The following CD6 variants were observed in gnomAD, a reference collection of about 807,000 sequenced individuals.
CD6 encodes the protein CD6 molecule, also known as T-cell differentiation antigen CD6.
In CD6, 53 loss-of-function variants were observed where a neutral mutation model predicts 75.3. That is an observed-to-expected ratio of 0.70 (90% confidence interval 0.56 to 0.88). The LOEUF is 0.88. CD6 is among the 40% of genes least tolerant of loss of function. CD6 has a pLI of 0.00. For missense variants in CD6, 770 were observed against 897.1 expected (o/e 0.86, Z 1.81); for synonymous variants, 359 against 381.5 (o/e 0.94, Z 0.69).
chr11:60,976,020 T>G (rs1857348743), intron 1 of CD6, among the ~76,000 whole-genome samples: 1 of 152,222 alleles, frequency 6.6e-6, no homozygotes, highest in African/African-American at 2.4e-5. Context: ...AATATTAAGT[T>G]ATTTTTAAAA....
intron 1 of CD6, among the ~76,000 whole-genome samples, chr11:61,003,126 G>T (rs540675743): frequency 6.6e-6 from 1 of 151,972 alleles, no homozygotes; most frequent in South Asian, 2.1e-4. Context: ...CACCACACCC[G>T]ACTAATTTTT....
Position 61,009,552 on chromosome 11 carries a change from C to G in CD6, c.782-20C>G. On this transcript the variant is annotated intron_variant, in intron 4 of 12. Coordinates refer to ENST00000313421, the MANE Select transcript of CD6 (RefSeq NM_006725.5). ...CCAAAGGATTCTGACCTGACTCTGT[C>G]CCCTGCCCCTTCCCTGCAGAGCACC... 1 of 1,574,914 alleles carries G rather than the reference C, an allele frequency of 6.3e-7. No individual in the cohort carries two copies.
At chr11:60,990,402 T>G (rs537935993) in intron 1 of CD6, among the ~76,000 whole-genome samples, 7 of 152,124 alleles carry the variant, frequency 4.6e-5, no homozygotes, top group Non-Finnish European at 1.0e-4. Flanking sequence ...TTTTTGTATT[T>G]CAGTAGAGAT....
chr11:61,009,103 T>C (rs1278328015), intron 4 of CD6, among the ~76,000 whole-genome samples: 9 of 151,568 alleles, frequency 5.9e-5, no homozygotes, highest in African/African-American at 2.2e-4. Flanking sequence ...CCGGAAGAGG[T>C]GACATTAAAA....
At chr11:61,000,990 A>G (rs1293811067) in intron 1 of CD6, among the ~76,000 whole-genome samples, 1 of 152,042 alleles carries the variant, frequency 6.6e-6, no homozygotes, top group Non-Finnish European at 1.5e-5. Flanking sequence ...GCTCCCCTCC[A>G]TCCCTTCCCT....
At chr11:60,997,523 A>T (rs76704404) in intron 1 of CD6, among the ~76,000 whole-genome samples, 4,089 of 152,148 alleles carry the variant, frequency 0.027, 247 homozygotes, top group East Asian at 0.24. Flanking sequence ...CCAAAATATC[A>T]TTTCTACACA....
In CD6 at chr11:61,007,459, G is replaced by C. The variant is rs901270536; in HGVS notation, c.119-101G>C. 1 of 941,166 alleles carries C rather than the reference G, an allele frequency of 1.1e-6. No homozygotes were observed. Among genetic ancestry groups the C allele is most frequent in the African/African-American group, 1.7e-5 (1 of 57,172 alleles). 58.3% of individuals were successfully genotyped at this position (941,166 alleles called of 1,614,324 possible). ...CTGGAAAGCTGAGACCCCTAGCCAG[G>C]CAGGGCGTTGTCAAAGTTCACGCAC... On this transcript the variant is annotated intron_variant, in intron 2 of 12. Coordinates refer to ENST00000313421, the MANE Select transcript of CD6 (RefSeq NM_006725.5). This position sits in a 1 kb window ranked among gnomAD's most constrained non-coding sequence, Gnocchi z 4.2.
At chr11:60,993,888 G>T (rs1725263574) in intron 1 of CD6, among the ~76,000 whole-genome samples, 2 of 152,312 alleles carry the variant, frequency 1.3e-5, no homozygotes, top group South Asian at 4.1e-4. Flanking sequence ...TCAGCTTTCA[G>T]GAGAACATGG....
chr11:60,975,665 T>C (rs968621332), intron 1 of CD6, among the ~76,000 whole-genome samples: 1 of 152,094 alleles, frequency 6.6e-6, no homozygotes. Context: ...CCTGAAGTGG[T>C]GGTACAAGCC....
intron 1 of CD6, among the ~76,000 whole-genome samples, chr11:60,990,664 C>G (rs930642809): frequency 2.6e-5 from 4 of 152,104 alleles, no homozygotes; most frequent in Admixed American, 1.3e-4. Flanking sequence ...ATCCTTTCCT[C>G]CCTAGAACAC....
At chr11:60,987,855 A>AAG (rs1418376990) in intron 1 of CD6, 2 of 152,256 alleles carry the variant, frequency 1.3e-5, no homozygotes, top group African/African-American at 2.4e-5. Context: ...GCCCAAGGAT[A>AAG]GCATTTATAA....
intron 1 of CD6, chr11:61,004,479 A>C (rs1218859178): frequency 6.6e-6 from 1 of 152,270 alleles, no homozygotes; most frequent in Non-Finnish European, 1.5e-5. Context: ...GCAGCCAGCC[A>C]GGGAGTTAGC....
intron 1 of CD6, chr11:60,985,067 A>G (rs559212317): frequency 1.3e-5 from 2 of 151,984 alleles, no homozygotes; most frequent in South Asian, 2.1e-4. Flanking sequence ...AAACAAAGAT[A>G]TAGAACGCTT....
chr11:60,983,663 T>C (rs1032589813), intron 1 of CD6, among the ~76,000 whole-genome samples: 4 of 152,118 alleles, frequency 2.6e-5, no homozygotes, highest in African/African-American at 9.7e-5. Context: ...GACATTTTCT[T>C]ACATAACCAC....
Position 61,008,702 on chromosome 11 carries a change from G to C in CD6, c.638G>C (p.Gly213Ala). Residue 213 changes from glycine (G) to alanine (A), a missense_variant, in exon 4 of 13, where the codon GGC (glycine) becomes GCC (alanine). Gly to Ala is a moderately conservative substitution (Grantham distance 60). Coordinates refer to ENST00000313421, the MANE Select transcript of CD6 (RefSeq NM_006725.5). The stretch of plus-strand genomic sequence containing the variant: ...GGCTGGGCAGTCCAGGCCCTGCCCG[G>C]CTTGCACTTCACGCCCGGCCGCGGG... ...GCGWAVQALP[G>A]LHFTPGRGPI... The C allele has an allele frequency of 6.2e-7, 1 of 1,607,802 alleles. No individual in the cohort carries two copies. Among genetic ancestry groups the C allele is most frequent in the South Asian group, 1.1e-5 (1 of 90,272 alleles).
At chr11:60,996,568 G>A (rs113038444) in intron 1 of CD6, among the ~76,000 whole-genome samples, 5 of 152,346 alleles carry the variant, frequency 3.3e-5, no homozygotes, top group South Asian at 4.1e-4. Flanking sequence ...CAGGGTTCAC[G>A]TAGCATTTGT....
At chr11:60,976,554 T>C (rs1857370731) in intron 1 of CD6, among the ~76,000 whole-genome samples, 1 of 152,204 alleles carries the variant, frequency 6.6e-6, no homozygotes, top group Admixed American at 6.5e-5. Flanking sequence ...TAAATTCTAA[T>C]CTTCCTGGGT....
rs1009736340 is a variant in CD6, at chr11:60,971,792, C to G, written c.-74C>G. ...ACCTGCGCCAGGGGCGCACAACGGC[C>G]GTGTCCACCTCCCGGCCCCAAGATG... On this transcript the variant is annotated 5_prime_UTR_variant, in exon 1 of 13. Transcript: ENST00000313421. 6.7e-7 allele frequency: 1 copy of G among 1,483,668 alleles called. No individual in the cohort carries two copies. Among genetic ancestry groups the G allele is most frequent in the Non-Finnish European group, 9.3e-7 (1 of 1,071,518 alleles). The allele number at this position is 1,483,668 out of a possible 1,614,324, so 91.9% of individuals were successfully genotyped here. A position where few individuals can be genotyped will look rare whatever the true frequency, so the allele number is the denominator to read the frequency against.
At chr11:60,993,806 A>G (rs1858162417) in intron 1 of CD6, among the ~76,000 whole-genome samples, 1 of 152,116 alleles carries the variant, frequency 6.6e-6, no homozygotes, top group Non-Finnish European at 1.5e-5. Context: ...TACCTGCCCC[A>G]GTTCCCAGCA....
Sources: allele counts gnomAD v4.1 joint callset (sites outside exome capture counted in the v4.1 genomes callset), GRCh38; gene constraint gnomAD v4.1.1; non-coding constraint Gnocchi (gnomAD v3.1); transcripts MANE v1.5; gene names NCBI Gene and HGNC (gene_info 2026-07-23, HGNC 2026-07-21).